Variants in GPHN observed in about 807,000 individuals in gnomAD.
The protein encoded by GPHN is gephyrin.
Under a neutral mutation model 95.5 loss-of-function variants are expected in GPHN, and 17 were observed. The observed-to-expected ratio is 0.18, with a 90% CI of 0.12 to 0.27. The LOEUF (loss-of-function observed/expected upper bound fraction) is 0.27, where lower values mean the gene tolerates loss of function less well. Ranked by LOEUF, GPHN falls within the 10% of genes least tolerant of loss-of-function variation. The probability of loss-of-function intolerance (pLI) is 1.00; values close to 1 mark genes in which losing one functional copy is unlikely to be tolerated. For missense variants in GPHN, 660 were observed against 978.1 expected (o/e 0.67, Z 4.34); for synonymous variants, 320 against 322.5 (o/e 0.99, Z 0.08).
chr14:66,633,709 G>T (rs1053961544), intron 1 of GPHN, among the ~76,000 whole-genome samples: 3 of 152,120 alleles, frequency 2.0e-5, no homozygotes, highest in Non-Finnish European at 2.9e-5. Context: ...AAATACTTAA[G>T]TGTGACTTGC....
the GPHN span, chr14:67,208,052 C>G: frequency 8.4e-7 from 1 of 1,188,306 alleles, no homozygotes; most frequent in Non-Finnish European, 1.1e-6. Context: ...AATGGTCGTG[C>G]CATTCTAAGC....
chr14:67,645,270 C>T, the GPHN span, among the ~76,000 whole-genome samples: 1 of 151,918 alleles, frequency 6.6e-6, no homozygotes, highest in Non-Finnish European at 1.5e-5. Flanking sequence ...CACCTCAGTC[C>T]TCTGAGTAGC....
chr14:67,411,937 G>A, the GPHN span: 1 of 1,292,188 alleles, frequency 7.7e-7, no homozygotes. Flanking sequence ...CCGTTCCGGG[G>A]CGCGCGTCTG....
At chr14:67,321,454 A>C in the GPHN span, among the ~76,000 whole-genome samples, 1 of 152,178 alleles carries the variant, frequency 6.6e-6, no homozygotes, top group Non-Finnish European at 1.5e-5. Flanking sequence ...AAACATATAC[A>C]TACTTACATA....
At chr14:67,617,765 G>A in the GPHN span, among the ~76,000 whole-genome samples, 1 of 152,260 alleles carries the variant, frequency 6.6e-6, no homozygotes, top group South Asian at 2.1e-4. Context: ...TTGGTGCCCA[G>A]GCTGGAGTGT....
intron 2 of GPHN, among the ~76,000 whole-genome samples, chr14:66,688,267 A>G (rs2067532509): frequency 1.3e-5 from 2 of 152,150 alleles, no homozygotes; most frequent in Admixed American, 6.5e-5. Context: ...AGGCGGAGGA[A>G]GAGGAAAAGG....
chr14:66,523,531 G>A (rs567686807), intron 1 of GPHN, among the ~76,000 whole-genome samples: 77 of 152,128 alleles, frequency 5.1e-4, no homozygotes, highest in Middle Eastern at 6.8e-3. Flanking sequence ...TTATGTTTTA[G>A]GTTCACACAG....
the GPHN span, chr14:67,515,328 G>T: frequency 1.9e-5 from 3 of 159,276 alleles, no homozygotes; most frequent in South Asian, 3.6e-4. Context: ...GCCTAGTCCC[G>T]CATTGTGTGT....
At chr14:67,701,071 A>T in the GPHN span, among the ~76,000 whole-genome samples, 2 of 151,770 alleles carry the variant, frequency 1.3e-5, no homozygotes, top group Non-Finnish European at 2.9e-5. Flanking sequence ...AAGTTGACAA[A>T]AAGGTTGAAG....
intron 8 of GPHN, among the ~76,000 whole-genome samples, chr14:66,961,403 A>G (rs888791144): frequency 2.6e-5 from 4 of 152,002 alleles, no homozygotes; most frequent in African/African-American, 9.7e-5. Flanking sequence ...AAAGGAAAAT[A>G]TTGATATATT....
At chr14:67,150,239 G>A (rs2081174040) in intron 18 of GPHN, among the ~76,000 whole-genome samples, 1 of 151,442 alleles carries the variant, frequency 6.6e-6, no homozygotes, top group African/African-American at 2.4e-5. Flanking sequence ...TCAGGAGATC[G>A]AGACCATCCC....
At chr14:67,695,454 G>A in the GPHN span, among the ~76,000 whole-genome samples, 1 of 152,230 alleles carries the variant, frequency 6.6e-6, no homozygotes, top group African/African-American at 2.4e-5. Context: ...GGGGTCTCGG[G>A]TGTCCTCCTG....
rs1040848864 is a variant in GPHN, at chr14:66,656,793, C to T, written c.65-24314C>T. On this transcript the variant is annotated intron_variant, in intron 1 of 22. Transcript: ENST00000478722. ...AATGTTGTGTGTGTTCTGTTTGTTC[C>T]ACTTAATGACCATTTCCCCATCTCT... Among the ~76,000 whole-genome samples the T allele has an allele frequency of 3.3e-5, 5 of 152,206 alleles. No individual in the cohort carries two copies. In the South Asian group the frequency reaches 1.0e-3, roughly 32 times the overall value.
At chr14:67,730,606 C>T in the GPHN span, among the ~76,000 whole-genome samples, 3 of 152,056 alleles carry the variant, frequency 2.0e-5, no homozygotes, top group Non-Finnish European at 4.4e-5. Flanking sequence ...CTTCTGATCC[C>T]AAGCATTTTT....
At chr14:67,670,759 C>T in the GPHN span, among the ~76,000 whole-genome samples, 1 of 152,170 alleles carries the variant, frequency 6.6e-6, no homozygotes, top group Non-Finnish European at 1.5e-5. Flanking sequence ...CATCCGTGAC[C>T]TTGTGATCCG....
chr14:67,497,436 G>C, the GPHN span, among the ~76,000 whole-genome samples: 1 of 151,978 alleles, frequency 6.6e-6, no homozygotes, highest in African/African-American at 2.4e-5. Context: ...AAGAACTGAC[G>C]GGCAGCTCCG....
At chr14:67,200,208 G>T in the GPHN span, 1 of 1,107,478 alleles carries the variant, frequency 9.0e-7, no homozygotes, top group South Asian at 1.7e-5. Context: ...TGCCCCCCAT[G>T]GATACACTGG....
chr14:66,679,635 C>T (rs1295671257), intron 1 of GPHN, among the ~76,000 whole-genome samples: 2 of 152,102 alleles, frequency 1.3e-5, no homozygotes, highest in African/African-American at 2.4e-5. Context: ...TCATTTCTTT[C>T]TTGCTGTGCT....
At chr14:66,527,822 G>T (rs1250775138) in intron 1 of GPHN, among the ~76,000 whole-genome samples, 4 of 152,252 alleles carry the variant, frequency 2.6e-5, no homozygotes, top group African/African-American at 9.6e-5. Flanking sequence ...TTGCACTGTG[G>T]TCTGAAGACT....
Sources: allele counts gnomAD v4.1 joint callset (sites outside exome capture counted in the v4.1 genomes callset), GRCh38; gene constraint gnomAD v4.1.1; transcripts MANE v1.5; gene names NCBI Gene and HGNC (gene_info 2026-07-23, HGNC 2026-07-21).